The following PUDP variants were observed in gnomAD, a reference collection of about 807,000 sequenced individuals.
The protein encoded by PUDP is pseudouridine 5'-phosphatase, also known as pseudouridine-5'-phosphatase.
A neutral mutation model predicts 9.4 loss-of-function variants in PUDP; 8 were observed. That is an observed-to-expected ratio of 0.85 (90% CI 0.50 to 1.53). The LOEUF is 1.53. PUDP is among the 40% of genes most tolerant of loss of function. PUDP has a pLI of 0.00. For synonymous variants in PUDP, 99 were observed against 80.7 expected (o/e 1.23, Z -1.22); for missense variants, 188 against 189.7 (o/e 0.99, Z 0.05).
At chrX:6,719,282 T>C (rs1392879077) in intron 1 of PUDP, among the ~76,000 whole-genome samples, 2 of 111,579 alleles carry the variant, frequency 1.8e-5, no homozygotes, top group African/African-American at 6.5e-5. Context: ...ACTCCTCTTC[T>C]TATGAGGACA....
intron 3 of PUDP, among the ~76,000 whole-genome samples, chrX:6,970,933 C>T (rs1193195041): frequency 9.0e-6 from 1 of 110,762 alleles, no homozygotes; most frequent in Admixed American, 9.6e-5. Context: ...TGCCTGTAAT[C>T]CCAGCTACTC....
chrX:7,107,449 T>C (rs1199480492), intron 1 of PUDP, among the ~76,000 whole-genome samples: 1 of 112,692 alleles, frequency 8.9e-6, no homozygotes, highest in Non-Finnish European at 1.9e-5. Context: ...TATGTTCACA[T>C]GCTTACATGC....
Position 7,031,212 on chromosome X carries a change from T to C in PUDP, c.204+46008A>G, listed in dbSNP as rs781541333. 2.2e-4 allele frequency among the ~76,000 whole-genome samples: 25 copies of C among 111,644 alleles called. 1 individual carries two copies. The highest frequency in any genetic ancestry group is 4.3e-4 in the Non-Finnish European group (23 of 53,153). The stretch of plus-strand genomic sequence containing the variant: ...TATCTTGTGCCGACCTCCTGTCTCA[T>C]CCTGTGACTTAGAATGCCTTAACTG... On this transcript the variant is annotated intron_variant and NMD_transcript_variant, in intron 1 of 3. Coordinates refer to the PUDP transcript ENST00000655425.
At chrX:6,776,723 G>A (rs774245340) in intron 3 of PUDP, among the ~76,000 whole-genome samples, 17 of 111,679 alleles carry the variant, frequency 1.5e-4, no homozygotes, top group African/African-American at 5.2e-4. Flanking sequence ...TATATCATAC[G>A]CACTTTCCCA....
intron 3 of PUDP, among the ~76,000 whole-genome samples, chrX:6,876,673 T>TGTGTG (rs753716573): frequency 7.5e-5 from 5 of 66,585 alleles, no homozygotes; most frequent in Admixed American, 2.0e-4. Flanking sequence ...GTGTGTGTGT[T>TGTGTG]TGTGTACACA....
intron 3 of PUDP, among the ~76,000 whole-genome samples, chrX:6,803,107 T>TAAAATAAAATAAAAC (rs1925990638): frequency 1.0e-5 from 1 of 98,520 alleles, no homozygotes; most frequent in Non-Finnish European, 2.0e-5. Flanking sequence ...TAAAATAAAA[T>TAAAATAAAATAAAAC]AAAATAAAAT....
At chrX:7,138,360 A>G (rs1275529406) in intron 1 of PUDP, among the ~76,000 whole-genome samples, 1 of 109,396 alleles carries the variant, frequency 9.1e-6, no homozygotes, top group African/African-American at 3.4e-5. Flanking sequence ...TTAGCCTGAC[A>G]GAGATTAATC....
chrX:6,961,542 G>A (rs1288182170), intron 3 of PUDP, among the ~76,000 whole-genome samples: 1 of 111,414 alleles, frequency 9.0e-6, no homozygotes, highest in East Asian at 2.8e-4. Context: ...ATGAAAAGAT[G>A]AACAAACCAG....
At chrX:7,026,367 G>A (rs1319606997) in intron 1 of PUDP, among the ~76,000 whole-genome samples, 6 of 112,071 alleles carry the variant, frequency 5.4e-5, no homozygotes, top group African/African-American at 1.9e-4. Flanking sequence ...CAAAGACATG[G>A]CAGAAACGCC....
Position 6,864,709 on chromosome X carries a change from T to C in PUDP, c.*247+112424A>G, listed in dbSNP as rs189954826. Among the ~76,000 whole-genome samples, 462 of 111,973 alleles carry C rather than the reference T, an allele frequency of 4.1e-3. 5 individuals are homozygous for C. The highest frequency in any genetic ancestry group is 0.014 in the African/African-American group (437 of 30,858). On this transcript the variant is annotated intron_variant and NMD_transcript_variant, in intron 3 of 3. Transcript: ENST00000655425. Reference sequence around the variant, plus strand: ...TCCAGTTTCTAGAGTCAGACTGATATTCCTTGCCTCCTGGCCTCCTTCCAT... The same window carrying C: ...TCCAGTTTCTAGAGTCAGACTGATACTCCTTGCCTCCTGGCCTCCTTCCAT...
chrX:6,750,244 T>A (rs1434856009), intron 3 of PUDP, among the ~76,000 whole-genome samples: 1 of 112,142 alleles, frequency 8.9e-6, no homozygotes, highest in Non-Finnish European at 1.9e-5. Context: ...TTTCATCAGA[T>A]TGAAATCGTT....
At chrX:6,730,956 A>T (rs1436403572) in intron 3 of PUDP, among the ~76,000 whole-genome samples, 1 of 112,365 alleles carries the variant, frequency 8.9e-6, no homozygotes, top group Admixed American at 9.4e-5. Context: ...TCCAATAGAG[A>T]ACATCAATAT....
intron 1 of PUDP, among the ~76,000 whole-genome samples, chrX:7,147,077 T>C (rs1264024032): frequency 9.0e-6 from 1 of 111,221 alleles, no homozygotes; most frequent in African/African-American, 3.3e-5. Flanking sequence ...GTTTTATTCT[T>C]TGAATTCTAC....
intron 3 of PUDP, among the ~76,000 whole-genome samples, chrX:6,892,454 C>A (rs2146746722): frequency 9.0e-6 from 1 of 111,324 alleles, no homozygotes; most frequent in African/African-American, 3.3e-5. Context: ...CCTTACATGG[C>A]AGCAGACAGG....
At chrX:6,927,572 T>G (rs5934083) in intron 3 of PUDP, among the ~76,000 whole-genome samples, 1 of 110,667 alleles carries the variant, frequency 9.0e-6, no homozygotes, top group Non-Finnish European at 1.9e-5. Context: ...TCTCAGGTGC[T>G]GTGCCCATAG....
intron 3 of PUDP, among the ~76,000 whole-genome samples, chrX:6,858,322 C>CTT (rs370817442): frequency 2.3e-4 from 21 of 89,431 alleles, no homozygotes; most frequent in East Asian, 1.1e-3. Context: ...TTTTTTCTTT[C>CTT]TTTTTTTTTT....
chrX:6,948,150 A>C (rs1212220485), intron 3 of PUDP, among the ~76,000 whole-genome samples: 1 of 112,374 alleles, frequency 8.9e-6, no homozygotes, highest in Admixed American at 9.5e-5. Flanking sequence ...TAGTACACAA[A>C]AGCACTATTT....
intron 3 of PUDP, among the ~76,000 whole-genome samples, chrX:6,931,868 A>T: frequency 9.0e-6 from 1 of 111,498 alleles, no homozygotes; most frequent in Middle Eastern, 4.6e-3. Context: ...TAAAAAAACA[A>T]ACAAACAACA....
intron 3 of PUDP, among the ~76,000 whole-genome samples, chrX:6,810,608 A>G (rs1569103750): frequency 9.0e-6 from 1 of 111,701 alleles, no homozygotes; most frequent in East Asian, 2.8e-4. Flanking sequence ...GAATTCCCAA[A>G]ATGCTCCATA....
Sources: gnomAD v4.1 joint callset for allele counts (sites outside exome capture counted in the v4.1 genomes callset) on GRCh38, gnomAD v4.1.1 for gene constraint, MANE v1.5 for transcripts, NCBI Gene and HGNC (gene_info 2026-07-23, HGNC 2026-07-21) for gene names.